Variants in ZDBF2 observed in about 807,000 individuals in gnomAD.
ZDBF2 encodes zinc finger DBF-type containing 2.
A neutral mutation model predicts 9.4 loss-of-function variants in ZDBF2; 6 were observed. The ratio of observed to expected loss-of-function variants is 0.64; its 90% CI spans 0.35 to 1.27. ZDBF2 has a LOEUF of 1.27. Ranked by LOEUF, ZDBF2 falls within the 50% of genes most tolerant of loss-of-function variation. ZDBF2 has a pLI of 0.03. For synonymous variants in ZDBF2, 905 were observed against 946.3 expected (o/e 0.96, Z 0.80); for missense variants, 2,697 against 2,766.8 (o/e 0.97, Z 0.57).
In ZDBF2 at chr2:206,307,784, C is replaced by G. The variant is rs1574419818; in HGVS notation, c.3256C>G (p.Gln1086Glu). The G allele has an allele frequency of 6.2e-6, 10 of 1,610,204 alleles. No individual in the cohort carries two copies. The highest frequency in any genetic ancestry group is 8.5e-6 in the Non-Finnish European group (10 of 1,178,960). Residue 1086 changes from glutamine (Q) to glutamate (E), a missense_variant, in exon 5 of 5, where the codon CAA (glutamine) becomes GAA (glutamate). Gln to Glu is a conservative substitution (Grantham distance 29). This residue lies in a region of ZDBF2 where 1,783 missense variants were observed against 1,776.5 expected (regional missense o/e 1.00). Transcript: ENST00000374423. ...TTCTAAAATAACTTTTGATTCTGAA[C>G]AACTTCAGGAAGCGGTTAAAAAAAT... ...GDSKITFDSEQLQEAVKKIDQ... is the reference protein window; with the variant it reads ...GDSKITFDSEELQEAVKKIDQ...
At position 206,311,189 on chromosome 2, in the gene ZDBF2, G is replaced by T; in HGVS notation, c.6661G>T (p.Asp2221Tyr). The T allele has an allele frequency of 6.2e-7, 1 of 1,612,836 alleles. No homozygotes were observed. The highest frequency in any genetic ancestry group is 1.1e-5 in the South Asian group (1 of 90,716). The change falls in exon 5 of 5, where the codon GAT becomes TAT. Residue 2221 changes from aspartate to tyrosine, a missense_variant. Transcript: ENST00000374423. ...AATTTGGATTCGGACCAAACCAAGT[G>T]ATATCATTAGAAAGTATATTTCGAA... ...QSIWIRTKPSDIIRKYISKYS... is the reference protein window; with the variant it reads ...QSIWIRTKPSYIIRKYISKYS...
chr2:206,285,672 T>C (rs979388217), intron 3 of ZDBF2, among the ~76,000 whole-genome samples: 5 of 152,188 alleles, frequency 3.3e-5, no homozygotes, highest in Admixed American at 1.3e-4. Context: ...GTTTGTCTAT[T>C]TTTGCTTTGT....
intron 3 of ZDBF2, among the ~76,000 whole-genome samples, chr2:206,291,348 A>G (rs1349131030): frequency 6.6e-6 from 1 of 152,130 alleles, no homozygotes; most frequent in African/African-American, 2.4e-5. Flanking sequence ...TGAGGATCTA[A>G]TGCCTCCACT....
rs745896406 is a variant in ZDBF2 at position 206,309,542 on chromosome 2, A to C, written c.5014A>C (p.Thr1672Pro). Residue 1672 changes from threonine to proline, a missense_variant, in exon 5 of 5, where the codon ACT (threonine) becomes CCT (proline). By Grantham distance (38) the Thr-to-Pro change is conservative. This residue lies in a region of ZDBF2 where 1,783 missense variants were observed against 1,776.5 expected (regional missense o/e 1.00). Transcript: ENST00000374423. ...GSKGKFNLED[T>P]SHRTTHRLQK... Reference sequence around the variant, plus strand: ...TAAAGGAAAATTTAATTTGGAAGACACTTCTCATCGAACGACTCACCGACT... The same window carrying C: ...TAAAGGAAAATTTAATTTGGAAGACCCTTCTCATCGAACGACTCACCGACT... 2 of 1,614,016 alleles carry C rather than the reference A, an allele frequency of 1.2e-6. No individual in the cohort carries two copies. Among genetic ancestry groups the C allele is most frequent in the Admixed American group, 1.7e-5 (1 of 60,026 alleles).
chr2:206,307,828 G>A lies in ZDBF2; in HGVS notation c.3300G>A (p.Glu1100=), dbSNP rs1279394777. 2 of 1,611,384 alleles carry A rather than the reference G, an allele frequency of 1.2e-6. No individual in the cohort carries two copies. The highest frequency in any genetic ancestry group is 1.7e-6 in the Non-Finnish European group (2 of 1,179,276). ...AVKKIDQWKE[E]VIGLKNKINE... ...AAAAAATAGACCAATGGAAGGAAGA[G>A]GTTATTGGCCTGAAAAATAAGATTA... Residue 1100 remains glutamate, a synonymous_variant, in exon 5 of 5, where the codon GAG becomes GAA. Transcript: ENST00000374423.
At position 206,308,720 on chromosome 2, in the gene ZDBF2, C is replaced by G; in HGVS notation, c.4192C>G (p.Leu1398Val). 1 of 1,613,058 alleles carries G rather than the reference C, an allele frequency of 6.2e-7. No homozygotes were observed. Among genetic ancestry groups the G allele is most frequent in the Non-Finnish European group, 8.5e-7 (1 of 1,179,764 alleles). The change falls in exon 5 of 5, where the codon CTG (leucine) becomes GTG (valine). Residue 1398 changes from leucine to valine, a missense_variant. Leu to Val is a conservative substitution (Grantham distance 32). Transcript: ENST00000374423. The part of the protein sequence containing the change: ...INLWKEDHIY[L>V]EDKSYKLGDF... ...TCTTTGGAAGGAAGACCATATTTAC[C>G]TGGAAGATAAGAGCTATAAATTAGG...
intron 3 of ZDBF2, among the ~76,000 whole-genome samples, chr2:206,291,057 G>C (rs1404075942): frequency 6.6e-6 from 1 of 152,100 alleles, no homozygotes; most frequent in African/African-American, 2.4e-5. Flanking sequence ...TTAGATGTAT[G>C]TGTTTTTTTC....
In ZDBF2 at chr2:206,275,896, C is replaced by G. The variant is rs562011001; in HGVS notation, c.-103+950C>G. ...GAAGACCTTTTCTCTATCGTTTGAA[C>G]CTAAAGCCTAGAAGGCAAGAAAGCA... is the stretch of plus-strand genomic sequence containing the variant. On this transcript the variant is annotated intron_variant, in intron 1 of 4. Transcript: ENST00000374423. Among the ~76,000 whole-genome samples, 6 of 152,192 alleles carry G rather than the reference C, an allele frequency of 3.9e-5. 1 individual carries two copies. The highest frequency in any genetic ancestry group is 1.4e-4 in the African/African-American group (6 of 41,520).
In ZDBF2 at chr2:206,308,605, T is replaced by A; in HGVS notation, c.4077T>A (p.Ser1359Arg). Residue 1359 changes from serine to arginine, a missense_variant, in exon 5 of 5, where the codon AGT (serine) becomes AGA (arginine). Ser to Arg is a moderately radical substitution (Grantham distance 110). This residue lies in a region of ZDBF2 where 1,783 missense variants were observed against 1,776.5 expected (regional missense o/e 1.00). Transcript: ENST00000374423. Reference sequence around the variant, plus strand: ...ATGCCAGTCTGGAAGATAAGAGCAGTAATTCTTATAGTCCTGAAGAAAGTT... The same window carrying A: ...ATGCCAGTCTGGAAGATAAGAGCAGAAATTCTTATAGTCCTGAAGAAAGTT... ...EEHASLEDKS[S>R]NSYSPEESSD... 1 of 1,613,336 alleles carries A rather than the reference T, an allele frequency of 6.2e-7. No individual in the cohort carries two copies.
At chr2:206,280,966 C>G (rs992817028) in intron 2 of ZDBF2, among the ~76,000 whole-genome samples, 1 of 152,096 alleles carries the variant, frequency 6.6e-6, no homozygotes, top group African/African-American at 2.4e-5. Context: ...AAATTTTTTA[C>G]TTAAAATAAT....
intron 3 of ZDBF2, among the ~76,000 whole-genome samples, chr2:206,285,019 G>T (rs1439227694): frequency 2.0e-5 from 3 of 152,200 alleles, no homozygotes; most frequent in Admixed American, 2.0e-4. Context: ...GTGAGCCACT[G>T]CGCCTGGCCC....
intron 3 of ZDBF2, among the ~76,000 whole-genome samples, chr2:206,283,499 T>C (rs1451088184): frequency 6.6e-6 from 1 of 152,224 alleles, no homozygotes; most frequent in Non-Finnish European, 1.5e-5. Context: ...TCATTGGGCA[T>C]TTGTATATCT....
intron 1 of ZDBF2, among the ~76,000 whole-genome samples, chr2:206,277,611 T>G (rs147819053): frequency 1.3e-5 from 2 of 152,026 alleles, no homozygotes; most frequent in African/African-American, 4.8e-5. Flanking sequence ...AATTCTGCTC[T>G]CAGATTTGAA....
chr2:206,294,407 A>G (rs1692060364), intron 3 of ZDBF2, among the ~76,000 whole-genome samples: 1 of 152,238 alleles, frequency 6.6e-6, no homozygotes, highest in Non-Finnish European at 1.5e-5. Flanking sequence ...TAGGATGTAA[A>G]TGAAGTTTTC....
chr2:206,311,347 A>G lies in ZDBF2; in HGVS notation c.6819A>G (p.Ser2273=), dbSNP rs1693178158. The change falls in exon 5 of 5, where the codon TCA becomes TCG. Residue 2273 remains serine (S), a synonymous_variant. Coordinates refer to ENST00000374423, the MANE Select transcript of ZDBF2 (RefSeq NM_020923.3). ...KRTAKVLLNS[S]VPPAGAEELS... ...CAGCTAAAGTGCTTTTGAACTCTTC[A>G]GTTCCACCAGCTGGTGCCGAAGAGC... is the stretch of plus-strand genomic sequence containing the variant. 2.0e-5 allele frequency: 32 copies of G among 1,604,696 alleles called. No individual in the cohort carries two copies. The highest frequency in any genetic ancestry group is 2.6e-5 in the Non-Finnish European group (31 of 1,175,038).
chr2:206,297,873 G>A (rs1175128123), intron 4 of ZDBF2, among the ~76,000 whole-genome samples: 2 of 152,080 alleles, frequency 1.3e-5, no homozygotes, highest in African/African-American at 4.8e-5. Flanking sequence ...TAGAGTTGAG[G>A]TTTCGCCATG....
intron 1 of ZDBF2, among the ~76,000 whole-genome samples, chr2:206,277,269 C>T (rs1691063466): frequency 6.6e-6 from 1 of 151,514 alleles, no homozygotes; most frequent in South Asian, 2.1e-4. Context: ...ATGTTTACCT[C>T]TGCAGCTGGT....
chr2:206,281,687 G>A (rs1192319640), intron 2 of ZDBF2, 114 bp from the exon 3 acceptor site: 1 of 622,584 alleles, frequency 1.6e-6, no homozygotes, highest in Non-Finnish European at 2.8e-6. Flanking sequence ...TGGCAGCCTT[G>A]TATATTTTCC....
chr2:206,303,883 G>A (rs924494136), intron 4 of ZDBF2, among the ~76,000 whole-genome samples: 4 of 151,902 alleles, frequency 2.6e-5, no homozygotes, highest in African/African-American at 7.3e-5. Context: ...ATATAGAGCC[G>A]CTTTATTATT....
Sources: allele counts gnomAD v4.1 joint callset (sites outside exome capture counted in the v4.1 genomes callset), GRCh38; gene constraint gnomAD v4.1.1; regional missense constraint gnomAD v4.1.1; transcripts MANE v1.5; gene names NCBI Gene and HGNC (gene_info 2026-07-23, HGNC 2026-07-21).